The following MARCHF1 variants were observed in gnomAD, a reference collection of about 807,000 sequenced individuals.
MARCHF1 encodes membrane associated ring-CH-type finger 1.
MARCHF1 carries 40 observed loss-of-function variants against 54.2 expected under a neutral mutation model. The ratio of observed to expected loss-of-function variants is 0.74; its 90% CI spans 0.57 to 0.96. MARCHF1 has a LOEUF of 0.96. MARCHF1 is among the 40% of genes least tolerant of loss of function. The pLI, the probability that MARCHF1 is intolerant of heterozygous loss-of-function variation, is 0.00. For missense variants in MARCHF1, 586 were observed against 656.5 expected, an observed-to-expected ratio of 0.89 and a Z score of 1.17; for synonymous variants, 236 against 236.3, an observed-to-expected ratio of 1.00 and a Z score of 0.01.
intron 3 of MARCHF1, among the ~76,000 whole-genome samples, chr4:163,987,073 T>G: frequency 6.6e-6 from 1 of 152,228 alleles, no homozygotes; most frequent in Non-Finnish European, 1.5e-5. Flanking sequence ...TATACCTATT[T>G]GCAGAATTGA....
chr4:163,571,749 G>A (rs950710096), intron 8 of MARCHF1, among the ~76,000 whole-genome samples: 11 of 151,978 alleles, frequency 7.2e-5, no homozygotes, highest in African/African-American at 2.7e-4. Context: ...TCTACACTGG[G>A]GTTTTTTGTT....
chr4:163,852,146 T>C (rs573130609), intron 4 of MARCHF1, among the ~76,000 whole-genome samples: 1 of 152,262 alleles, frequency 6.6e-6, no homozygotes, highest in Non-Finnish European at 1.5e-5. Flanking sequence ...TGAGGTGTAG[T>C]AGAAAAAGCA....
intron 4 of MARCHF1, among the ~76,000 whole-genome samples, chr4:163,745,518 G>T (rs1170957562): frequency 6.6e-6 from 1 of 152,084 alleles, no homozygotes; most frequent in Non-Finnish European, 1.5e-5. Flanking sequence ...CTGGAGGAGC[G>T]CCAGGGACAC....
chr4:163,666,297 A>T (rs1448121835), intron 5 of MARCHF1, among the ~76,000 whole-genome samples: 1 of 152,088 alleles, frequency 6.6e-6, no homozygotes, highest in East Asian at 1.9e-4. Flanking sequence ...TTTCCATTAC[A>T]TGAGCTTCAT....
chr4:163,691,319 A>T (rs1038016397), intron 5 of MARCHF1, among the ~76,000 whole-genome samples: 1 of 152,200 alleles, frequency 6.6e-6, no homozygotes, highest in African/African-American at 2.4e-5. Context: ...GCCCCATGTT[A>T]GTAGGTCAGA....
chr4:163,692,814 A>G (rs1451554685), intron 5 of MARCHF1, among the ~76,000 whole-genome samples: 3 of 151,320 alleles, frequency 2.0e-5, no homozygotes, highest in Non-Finnish European at 4.4e-5. Flanking sequence ...ATGACAGTAG[A>G]TCATGGCAAA....
rs565113784 is a variant in MARCHF1, at chr4:163,722,858, T to C, written c.112-21995A>G. Among the ~76,000 whole-genome samples, 4 of 152,306 alleles carry C rather than the reference T, an allele frequency of 2.6e-5. No individual in the cohort carries two copies. In the South Asian group the frequency reaches 6.2e-4, roughly 24 times the overall value. Reference sequence around the variant, plus strand: ...ACTAGGATTGCAACCCCTGCCTTTTTTTGTTTTCCATTTGCTTGGTAGATC... The same window carrying C: ...ACTAGGATTGCAACCCCTGCCTTTTCTTGTTTTCCATTTGCTTGGTAGATC... On this transcript the variant is annotated intron_variant, in intron 4 of 9. Transcript: ENST00000514618.
chr4:164,030,851 T>C (rs1753861946), intron 2 of MARCHF1, among the ~76,000 whole-genome samples: 1 of 152,140 alleles, frequency 6.6e-6, no homozygotes, highest in Admixed American at 6.5e-5. Flanking sequence ...GGATTGAAAA[T>C]GCACAGGAGT....
chr4:163,737,305 C>T lies in MARCHF1; in HGVS notation c.112-36442G>A, dbSNP rs1453494116. The stretch of plus-strand genomic sequence containing the variant: ...TATGTATACATGTGCCATGCTGGTG[C>T]GCTGCACCCACTAACGTGTCATCTA... On this transcript the variant is annotated intron_variant, in intron 4 of 9. Transcript: ENST00000514618. 1.8e-3 allele frequency among the ~76,000 whole-genome samples: 136 copies of T among 77,300 alleles called. 3 individuals are homozygous for T. The highest frequency in any genetic ancestry group is 0.017 in the East Asian group (70 of 4,224). 50.7% of individuals were successfully genotyped at this position (77,300 alleles called of 152,430 possible).
At chr4:164,076,934 T>C (rs1754993875) in intron 2 of MARCHF1, among the ~76,000 whole-genome samples, 1 of 152,140 alleles carries the variant, frequency 6.6e-6, no homozygotes, top group Non-Finnish European at 1.5e-5. Flanking sequence ...AGAATCAGTA[T>C]CGTGAAAATG....
chr4:164,148,426 T>C (rs1379806459), intron 1 of MARCHF1, among the ~76,000 whole-genome samples: 1 of 151,728 alleles, frequency 6.6e-6, no homozygotes, highest in African/African-American at 2.4e-5. Flanking sequence ...GTTCTCTTAA[T>C]TTTTTTTTCC....
chr4:163,734,845 A>G (rs765162073), intron 4 of MARCHF1, among the ~76,000 whole-genome samples: 8 of 152,166 alleles, frequency 5.3e-5, no homozygotes, highest in South Asian at 4.1e-4. Context: ...TGTCAGTTGC[A>G]CTTCAATAAA....
intron 2 of MARCHF1, among the ~76,000 whole-genome samples, chr4:164,005,276 T>C (rs1436162462): frequency 1.3e-5 from 2 of 152,212 alleles, no homozygotes; most frequent in Non-Finnish European, 2.9e-5. Context: ...TGAGTAGCCC[T>C]AATTTTAATA....
intron 5 of MARCHF1, among the ~76,000 whole-genome samples, chr4:163,640,204 A>G (rs1002026714): frequency 1.3e-5 from 2 of 152,162 alleles, no homozygotes; most frequent in Non-Finnish European, 2.9e-5. Context: ...TAATTCAGCA[A>G]TCAATTTTAG....
intron 1 of MARCHF1, among the ~76,000 whole-genome samples, chr4:164,186,566 CA>C (rs1730976209): frequency 6.6e-6 from 1 of 152,092 alleles, no homozygotes; most frequent in African/African-American, 2.4e-5. Flanking sequence ...AAAGCAGAAA[CA>C]GTATGATCTG....
At position 164,019,975 on chromosome 4, in the gene MARCHF1, T is replaced by C. The variant is rs750672074; in HGVS notation, c.-247-31266A>G. ...GGCAAAAACAGGCAAAACTGAAATT[T>C]TTAATTCAAAAGTCCTCCCATATTG... On this transcript the variant is annotated intron_variant, in intron 2 of 9. Transcript: ENST00000514618. Among the ~76,000 whole-genome samples the C allele has an allele frequency of 1.8e-4, 28 of 152,294 alleles. 2 individuals carry two copies. In the Middle Eastern group the frequency reaches 0.014, roughly 74 times the overall value.
Position 163,735,976 on chromosome 4 carries a change from A to G in MARCHF1, c.112-35113T>C, listed in dbSNP as rs572013033. On this transcript the variant is annotated intron_variant, in intron 4 of 9. Coordinates refer to ENST00000514618, the MANE Select transcript of MARCHF1 (RefSeq NM_001394959.1). The stretch of plus-strand genomic sequence containing the variant: ...GTTTTCTCCTATATGTACATATGAT[A>G]AAGTTCAATTTATAAGTTAGGCACA... 1.1e-4 allele frequency among the ~76,000 whole-genome samples: 17 copies of G among 152,304 alleles called. No homozygotes were observed. The South Asian group carries it at 3.5e-3, about 32-fold the overall frequency.
intron 2 of MARCHF1, among the ~76,000 whole-genome samples, chr4:164,071,091 C>T (rs1055557398): frequency 2.0e-5 from 3 of 152,114 alleles, no homozygotes; most frequent in Non-Finnish European, 4.4e-5. Context: ...TTTTTGTTCC[C>T]AGTTTCGAGT....
At chr4:164,356,781 A>AAAAAAAAAAAAAAAAAAGC (rs1491232125) in intron 1 of MARCHF1, among the ~76,000 whole-genome samples, 1 of 100,180 alleles carries the variant, frequency 1.0e-5, no homozygotes, top group East Asian at 4.8e-4. Flanking sequence ...AAAGAAAAGC[A>AAAAAAAAAAAAAAAAAAGC]AAAAAAAAAA....
Sources: gnomAD v4.1 joint callset for allele counts (sites outside exome capture counted in the v4.1 genomes callset) on GRCh38, gnomAD v4.1.1 for gene constraint, MANE v1.5 for transcripts, NCBI Gene and HGNC (gene_info 2026-07-23, HGNC 2026-07-21) for gene names.